Variants in XKR4 observed in about 807,000 individuals in gnomAD.
XKR4 encodes the protein XK related 4.
In XKR4, 12 loss-of-function variants were observed where a neutral mutation model predicts 53.9. The observed-to-expected ratio is 0.22, with a 90% CI of 0.14 to 0.36. The LOEUF (loss-of-function observed/expected upper bound fraction) is 0.36. Ranked by LOEUF, XKR4 falls within the 10% of genes least tolerant of loss-of-function variation. The probability of loss-of-function intolerance (pLI) is 1.00; values close to 1 mark genes in which losing one functional copy is unlikely to be tolerated. For missense variants in XKR4, 799 were observed against 859.5 expected (o/e 0.93, Z 0.88); for synonymous variants, 354 against 362.4 (o/e 0.98, Z 0.26).
At position 55,357,642 on chromosome 8, in the gene XKR4, C is replaced by T. The variant is rs978497128; in HGVS notation, c.807-36C>T. 5 of 1,606,786 alleles carry T rather than the reference C, an allele frequency of 3.1e-6. No individual in the cohort carries two copies. The East Asian group carries it at 8.9e-5, about 29-fold the overall frequency. On this transcript the variant is annotated intron_variant, in intron 1 of 2. Coordinates refer to ENST00000327381, the MANE Select transcript of XKR4 (RefSeq NM_052898.2). ...GAGTTTGAATTATAAACTATCATCA[C>T]TCATCTCTTTCTTATTCTCCATGTT... is the stretch of plus-strand genomic sequence containing the variant.
At chr8:55,514,248 C>CTTTTT (rs71256544) in intron 2 of XKR4, among the ~76,000 whole-genome samples, 3 of 108,880 alleles carry the variant, frequency 2.8e-5, no homozygotes, top group Non-Finnish European at 3.8e-5. Context: ...TGCTGGGATT[C>CTTTTT]TTTTTTTTTT....
Position 55,102,464 on chromosome 8 carries a change from G to T in XKR4, c.-25G>T, listed in dbSNP as rs1241542493. 1 of 1,533,324 alleles carries T rather than the reference G, an allele frequency of 6.5e-7. No individual in the cohort carries two copies. The highest frequency in any genetic ancestry group is 1.4e-5 in the African/African-American group (1 of 69,622). 95.0% of individuals were successfully genotyped at this position (1,533,324 alleles called of 1,614,324 possible). A position where few individuals can be genotyped will look rare whatever the true frequency, so the allele number is the denominator to read the frequency against. ...CGGGGAAAGGTGTCAGATAAAGGAG[G>T]GCTCTCCTCCGGTGTGGAGGCATCA... is the stretch of plus-strand genomic sequence containing the variant. On this transcript the variant is annotated 5_prime_UTR_variant, in exon 1 of 3. Coordinates refer to ENST00000327381, the MANE Select transcript of XKR4 (RefSeq NM_052898.2). This position sits in a 1 kb window ranked among gnomAD's most constrained non-coding sequence, Gnocchi z 5.1.
intron 2 of XKR4, among the ~76,000 whole-genome samples, chr8:55,479,786 C>T (rs1314748292): frequency 6.6e-6 from 1 of 152,164 alleles, no homozygotes; most frequent in African/African-American, 2.4e-5. Flanking sequence ...CACAAATAAA[C>T]TAGAAAATCT....
intron 1 of XKR4, among the ~76,000 whole-genome samples, chr8:55,352,436 C>G (rs1362997726): frequency 3.3e-5 from 5 of 152,156 alleles, no homozygotes; most frequent in African/African-American, 1.2e-4. Flanking sequence ...AACTTAAATG[C>G]CTTCATTTGC....
rs1806948616 is a variant in XKR4, at chr8:55,531,208, G to A, written c.*6981G>A. 6.6e-6 allele frequency: 1 copy of A among 152,118 alleles called. No homozygotes were observed. The highest frequency in any genetic ancestry group is 6.5e-5 in the Admixed American group (1 of 15,272). The allele number at this position is 152,118 out of a possible 1,614,324, so 9.4% of individuals were successfully genotyped here. A position where few individuals can be genotyped will look rare whatever the true frequency, so the allele number is the denominator to read the frequency against. On this transcript the variant is annotated 3_prime_UTR_variant, in exon 3 of 3. Coordinates refer to ENST00000327381, the MANE Select transcript of XKR4 (RefSeq NM_052898.2). ...GATGGAGTGTGCTTACACAAGCTTA[G>A]ATGGTAGAGCCTACCATGCTCCTAG...
intron 1 of XKR4, among the ~76,000 whole-genome samples, chr8:55,335,885 G>A (rs1803452244): frequency 6.6e-6 from 1 of 151,958 alleles, no homozygotes; most frequent in African/African-American, 2.4e-5. Flanking sequence ...TGTAGTGATG[G>A]AAAACAGATC....
At position 55,401,263 on chromosome 8, in the gene XKR4, C is replaced by T. The variant is rs143892543; in HGVS notation, c.1006+43386C>T. ...TTGTGGCTGTCCTGAGGACAGCTCC[C>T]TTTGTGATTGAAATGGTCCATTTCC... On this transcript the variant is annotated intron_variant, in intron 2 of 2. Coordinates refer to ENST00000327381, the MANE Select transcript of XKR4 (RefSeq NM_052898.2). 4.0e-3 allele frequency among the ~76,000 whole-genome samples: 603 copies of T among 152,304 alleles called. 4 individuals carry two copies. Among genetic ancestry groups the T allele is most frequent in the African/African-American group, 0.014 (577 of 41,546 alleles).
chr8:55,121,441 A>C (rs982388273), intron 1 of XKR4, among the ~76,000 whole-genome samples: 4 of 152,230 alleles, frequency 2.6e-5, no homozygotes, highest in Admixed American at 2.6e-4. Flanking sequence ...GATACCGTGA[A>C]CTTGTCCAAG....
chr8:55,321,984 T>A (rs1803223142), intron 1 of XKR4, among the ~76,000 whole-genome samples: 1 of 103,796 alleles, frequency 9.6e-6, no homozygotes, highest in Non-Finnish European at 1.9e-5. Context: ...CGAGACTCCA[T>A]CTCGAAAAAC....
intron 2 of XKR4, among the ~76,000 whole-genome samples, chr8:55,481,059 A>G (rs1377150131): frequency 4.6e-5 from 7 of 152,216 alleles, no homozygotes; most frequent in Non-Finnish European, 8.8e-5. Flanking sequence ...TTTCAAGTTC[A>G]TATGGAACCA....
intron 2 of XKR4, among the ~76,000 whole-genome samples, chr8:55,478,106 G>T (rs1806029840): frequency 6.6e-6 from 1 of 152,092 alleles, no homozygotes; most frequent in African/African-American, 2.4e-5. Flanking sequence ...ATAATTGTCA[G>T]ATTCACCAAA....
intron 1 of XKR4, among the ~76,000 whole-genome samples, chr8:55,337,774 A>C (rs1803483369): frequency 1.3e-5 from 2 of 152,220 alleles, no homozygotes; most frequent in South Asian, 4.1e-4. Context: ...AGGCTTTTTA[A>C]AGGAATACCC....
chr8:55,169,539 T>A (rs2129358266), intron 1 of XKR4, among the ~76,000 whole-genome samples: 1 of 152,344 alleles, frequency 6.6e-6, no homozygotes, highest in South Asian at 2.1e-4. Context: ...GGACCCAGCA[T>A]CTTATCCTGG....
At chr8:55,379,796 T>C (rs911860292) in intron 2 of XKR4, among the ~76,000 whole-genome samples, 4 of 152,194 alleles carry the variant, frequency 2.6e-5, no homozygotes, top group African/African-American at 9.7e-5. Flanking sequence ...GGGTGGGTCC[T>C]GGGGCAGAGG....
At chr8:55,227,001 C>T (rs1421547443) in intron 1 of XKR4, among the ~76,000 whole-genome samples, 1 of 152,188 alleles carries the variant, frequency 6.6e-6, no homozygotes, top group Non-Finnish European at 1.5e-5. Context: ...CTCTTACTTA[C>T]CTGTGTACTC....
At chr8:55,493,286 T>C (rs1806296571) in intron 2 of XKR4, among the ~76,000 whole-genome samples, 1 of 152,154 alleles carries the variant, frequency 6.6e-6, no homozygotes, top group Admixed American at 6.5e-5. Flanking sequence ...ATTCCTCATT[T>C]CTCTTCCCTG....
At chr8:55,309,526 G>T (rs1167311659) in intron 1 of XKR4, among the ~76,000 whole-genome samples, 1 of 152,178 alleles carries the variant, frequency 6.6e-6, no homozygotes, top group Non-Finnish European at 1.5e-5. Flanking sequence ...GAACATAAAT[G>T]TGTGATAAAA....
At chr8:55,196,129 A>T (rs1166569406) in intron 1 of XKR4, among the ~76,000 whole-genome samples, 1 of 150,730 alleles carries the variant, frequency 6.6e-6, no homozygotes, top group African/African-American at 2.4e-5. Context: ...ACTTCTTTAT[A>T]GTAAATATAG....
chr8:55,167,422 T>G (rs1175149854), intron 1 of XKR4, among the ~76,000 whole-genome samples: 1 of 152,026 alleles, frequency 6.6e-6, no homozygotes, highest in Non-Finnish European at 1.5e-5. Context: ...ACCTCATGAG[T>G]ATGATGCTCC....
Sources: allele counts gnomAD v4.1 joint callset (sites outside exome capture counted in the v4.1 genomes callset), GRCh38; gene constraint gnomAD v4.1.1; non-coding constraint Gnocchi (gnomAD v3.1); transcripts MANE v1.5; gene names NCBI Gene and HGNC (gene_info 2026-07-23, HGNC 2026-07-21).